IP6K3: variants seen among roughly 807,000 people sequenced by gnomAD.
IP6K3 encodes inositol hexakisphosphate kinase 3, also known as ATP:1D-myo-inositol-hexakisphosphate phosphotransferase.
In IP6K3, 20 loss-of-function variants were observed where a neutral mutation model predicts 28.8. That is an observed-to-expected ratio of 0.70 (90% CI 0.49 to 1.01). IP6K3 has a LOEUF of 1.01. Ranked by LOEUF, IP6K3 falls within the 50% of genes least tolerant of loss-of-function variation. IP6K3 has a pLI of 0.00. For synonymous variants in IP6K3, 213 were observed against 221.3 expected, an observed-to-expected ratio of 0.96 and a Z score of 0.33; for missense variants, 480 against 537.1, an observed-to-expected ratio of 0.89 and a Z score of 1.05.
chr6:33,760,408 C>A, the IP6K3 span, among the ~76,000 whole-genome samples: 2 of 152,192 alleles, frequency 1.3e-5, no homozygotes, highest in Non-Finnish European at 2.9e-5. Context: ...CAGGTGTGCA[C>A]ATGTTGACGT....
rs1766831864 is a variant in IP6K3 at position 33,744,333 on chromosome 6, A to G, written c.-180+2425T>C. Among the ~76,000 whole-genome samples, 1 of 152,180 alleles carries G rather than the reference A, an allele frequency of 6.6e-6. No individual in the cohort carries two copies. Among genetic ancestry groups the G allele is most frequent in the African/African-American group, 2.4e-5 (1 of 41,428 alleles). ...CTGCCTTCCTCTAAGTAATATGATC[A>G]GCCACCACCTGTCTTGTGCAAGAGA... On this transcript the variant is annotated intron_variant, in intron 1 of 5. Transcript: ENST00000293756. The surrounding 1 kb of genome is among the most constrained non-coding windows in gnomAD (Gnocchi z 4.4).
chr6:33,727,208 T>A (rs1766151600), intron 3 of IP6K3, among the ~76,000 whole-genome samples: 1 of 152,206 alleles, frequency 6.6e-6, no homozygotes, highest in African/African-American at 2.4e-5. Flanking sequence ...ATTAATGGCC[T>A]TATTATTGAG....
chr6:33,727,235 G>A lies in IP6K3; in HGVS notation c.414-329C>T, dbSNP rs535346229. On this transcript the variant is annotated intron_variant, in intron 3 of 5. Coordinates refer to ENST00000293756, the MANE Select transcript of IP6K3 (RefSeq NM_054111.5). ...ATTATTGAGGCGACACACTAAGGGGGCAGTGGCCCTATCCGGAATCACAAG... is the reference window on the plus strand; with the variant it reads ...ATTATTGAGGCGACACACTAAGGGGACAGTGGCCCTATCCGGAATCACAAG... Among the ~76,000 whole-genome samples, 26 of 152,318 alleles carry A rather than the reference G, an allele frequency of 1.7e-4. 1 individual carries two copies. The South Asian group carries it at 5.4e-3, about 32-fold the overall frequency.
chr6:33,724,334 C>A (rs139279603), intron 5 of IP6K3, among the ~76,000 whole-genome samples: 1 of 152,342 alleles, frequency 6.6e-6, no homozygotes, highest in East Asian at 1.9e-4. Flanking sequence ...CAAAGGACAT[C>A]TGTGCAACAA....
chr6:33,738,245 CG>C (rs2127361112), intron 1 of IP6K3, among the ~76,000 whole-genome samples: 1 of 152,174 alleles, frequency 6.6e-6, no homozygotes, highest in African/African-American at 2.4e-5. Flanking sequence ...ACTCCTGCCC[CG>C]CACACTTGTA....
rs144118641 is a variant in IP6K3 at position 33,735,434 on chromosome 6, C to T, written c.43G>A (p.Gly15Ser). The change falls in exon 2 of 6, where the codon GGC becomes AGC. Residue 15 changes from glycine to serine, a missense_variant. By Grantham distance (56) the Gly-to-Ser change is moderately conservative (BLOSUM62 0). Coordinates refer to ENST00000293756, the MANE Select transcript of IP6K3 (RefSeq NM_054111.5). ...TGCAGGAAGGGCTCCAGCTGCACGC[C>T]TGCCCTCATGTCCCCGGCGTCTGCG... ...NSADAGDMRA[G>S]VQLEPFLHQV... 2 of 1,610,684 alleles carry T rather than the reference C, an allele frequency of 1.2e-6. No individual in the cohort carries two copies. The highest frequency in any genetic ancestry group is 1.7e-6 in the Non-Finnish European group (2 of 1,179,148).
chr6:33,727,748 T>C lies in IP6K3; in HGVS notation c.413+339A>G. 34 of 804,030 alleles carry C rather than the reference T, an allele frequency of 4.2e-5. 1 individual carries two copies. The highest frequency in any genetic ancestry group is 5.1e-5 in the Non-Finnish European group (34 of 664,596). The allele number at this position is 804,030 out of a possible 1,614,324, so 49.8% of individuals were successfully genotyped here. A position where few individuals can be genotyped will look rare whatever the true frequency, so the allele number is the denominator to read the frequency against. ...TTCCTCTACATACACTATTCTAGGGTTTCTGTTTTGTGTACTTCCTCCCCA... is the reference window on the plus strand; with the variant it reads ...TTCCTCTACATACACTATTCTAGGGCTTCTGTTTTGTGTACTTCCTCCCCA... On this transcript the variant is annotated intron_variant, in intron 3 of 5. Transcript: ENST00000293756.
chr6:33,752,996 T>G, the IP6K3 span, among the ~76,000 whole-genome samples: 1 of 152,342 alleles, frequency 6.6e-6, no homozygotes, highest in East Asian at 1.9e-4. Context: ...CAGGCTGGAT[T>G]GCAGTGGCAC....
Position 33,722,482 on chromosome 6 carries a change from CCTGGCTG to C in IP6K3, c.*231_*237del. ...TGTACTCCAGAAGGTGCCACTTTAT[CCTGGCTG>C]TCTGTTCTCCGATGAGCAGCATTAG... On this transcript the variant is annotated 3_prime_UTR_variant, in exon 6 of 6. Coordinates refer to ENST00000293756, the MANE Select transcript of IP6K3 (RefSeq NM_054111.5). The C allele has an allele frequency of 2.4e-5, 9 of 369,602 alleles. No individual in the cohort carries two copies. Among genetic ancestry groups the C allele is most frequent in the South Asian group, 1.1e-4 (2 of 17,598 alleles). The allele number at this position is 369,602 out of a possible 1,614,324, so 22.9% of individuals were successfully genotyped here.
chr6:33,749,304 A>T (rs1014560655), upstream of IP6K3, among the ~76,000 whole-genome samples: 7 of 152,130 alleles, frequency 4.6e-5, no homozygotes, highest in African/African-American at 1.7e-4. Context: ...TTATGTAACA[A>T]CATTTTCGAG....
Position 33,722,670 on chromosome 6 carries a change from C to G in IP6K3, c.*50G>C, listed in dbSNP as rs951860157. The G allele has an allele frequency of 1.5e-6, 2 of 1,311,090 alleles. No homozygotes were observed. Among genetic ancestry groups the G allele is most frequent in the Admixed American group, 4.0e-5 (2 of 50,038 alleles). The allele number at this position is 1,311,090 out of a possible 1,614,324, so 81.2% of individuals were successfully genotyped here. ...TGGACTACCCTAGCAACCAACAGGT[C>G]TCTATTTGAGATCTATAGCCCAGAA... is the stretch of plus-strand genomic sequence containing the variant. On this transcript the variant is annotated 3_prime_UTR_variant, in exon 6 of 6. Transcript: ENST00000293756.
At chr6:33,755,284 G>A in the IP6K3 span, among the ~76,000 whole-genome samples, 1 of 152,270 alleles carries the variant, frequency 6.6e-6, no homozygotes, top group Admixed American at 6.5e-5. Flanking sequence ...TCAGCCCCCA[G>A]AGCTCCTCTG....
At chr6:33,743,990 C>T (rs1246820433) in intron 1 of IP6K3, among the ~76,000 whole-genome samples, 1 of 151,940 alleles carries the variant, frequency 6.6e-6, no homozygotes, top group Non-Finnish European at 1.5e-5. Context: ...TTAGCAGCAC[C>T]AACAATGTTC....
At chr6:33,754,646 G>A in the IP6K3 span, among the ~76,000 whole-genome samples, 1 of 152,102 alleles carries the variant, frequency 6.6e-6, no homozygotes, top group East Asian at 1.9e-4. Context: ...GCAGGTTGGT[G>A]GTCAGGGAAT....
chr6:33,753,732 A>T, the IP6K3 span, among the ~76,000 whole-genome samples: 1 of 152,196 alleles, frequency 6.6e-6, no homozygotes, highest in South Asian at 2.1e-4. Context: ...TCTTTCCACA[A>T]GGGATTGCCT....
chr6:33,727,548 G>T (rs999221761), intron 3 of IP6K3, among the ~76,000 whole-genome samples: 6 of 152,170 alleles, frequency 3.9e-5, no homozygotes, highest in African/African-American at 1.4e-4. Context: ...AAGCCGTGGG[G>T]AGCCTTTTCA....
intron 4 of IP6K3, 32 bp from the exon 5 acceptor site, chr6:33,725,648 G>A: frequency 1.3e-6 from 2 of 1,598,816 alleles, no homozygotes; most frequent in Non-Finnish European, 1.7e-6. Flanking sequence ...AGGCTCTGAG[G>A]ACTTCAGAAC....
chr6:33,725,013 G>A (rs1020061619), intron 5 of IP6K3, among the ~76,000 whole-genome samples: 35 of 152,208 alleles, frequency 2.3e-4, no homozygotes, highest in Admixed American at 3.9e-4. Flanking sequence ...AGGCCAAGGC[G>A]GGCAGATCAC....
chr6:33,752,300 CT>C, the IP6K3 span, among the ~76,000 whole-genome samples: 1 of 152,254 alleles, frequency 6.6e-6, no homozygotes, highest in South Asian at 2.1e-4. Flanking sequence ...GGGCCCCGCC[CT>C]GCCCACTGGT....
Sources: allele counts gnomAD v4.1 joint callset (sites outside exome capture counted in the v4.1 genomes callset), GRCh38; gene constraint gnomAD v4.1.1; non-coding constraint Gnocchi (gnomAD v3.1); transcripts MANE v1.5; gene names NCBI Gene and HGNC (gene_info 2026-07-23, HGNC 2026-07-21).